PPP1R37: variants seen among roughly 807,000 people sequenced by gnomAD.
PPP1R37 encodes protein phosphatase 1 regulatory subunit 37, also known as leucine rich repeat containing 68.
A neutral mutation model predicts 61.0 loss-of-function variants in PPP1R37; 21 were observed. The ratio of observed to expected loss-of-function variants is 0.34; its 90% confidence interval spans 0.24 to 0.50. The LOEUF is 0.50. Among genes scored for constraint, PPP1R37 ranks in the 20% least tolerant of loss-of-function variants. The probability of loss-of-function intolerance (pLI) is 0.98; values close to 1 mark genes in which losing one functional copy is unlikely to be tolerated. For missense variants in PPP1R37, 910 were observed against 952.7 expected, an observed-to-expected ratio of 0.96 and a Z score of 0.59; for synonymous variants, 443 against 433.5, an observed-to-expected ratio of 1.02 and a Z score of -0.27.
chr19:45,145,041 G>A (rs1393010858), intron 9 of PPP1R37, 46 bp downstream of exon 9: 2 of 1,520,976 alleles, frequency 1.3e-6, no homozygotes, highest in South Asian at 1.2e-5. Flanking sequence ...GGGCTCAGCC[G>A]GGCGGCCAGC....
intron 1 of PPP1R37, chr19:45,128,956 G>C: frequency 1.3e-6 from 1 of 768,882 alleles, no homozygotes; most frequent in South Asian, 1.3e-5. Context: ...TACCGCTGTG[G>C]AGAAGGGACC....
At chr19:45,118,200 C>A (rs1968294789) in intron 1 of PPP1R37, among the ~76,000 whole-genome samples, 1 of 152,222 alleles carries the variant, frequency 6.6e-6, no homozygotes, top group Non-Finnish European at 1.5e-5. Context: ...CCTCCCGGCA[C>A]CCAGCCGCTG....
intron 1 of PPP1R37, among the ~76,000 whole-genome samples, chr19:45,126,773 C>T (rs1003521590): frequency 5.9e-5 from 9 of 152,220 alleles, no homozygotes; most frequent in African/African-American, 2.2e-4. Flanking sequence ...TTCCCAGCTT[C>T]TCTCTCCACC....
intron 1 of PPP1R37, among the ~76,000 whole-genome samples, chr19:45,105,952 A>G (rs564659504): frequency 1.3e-5 from 2 of 152,358 alleles, no homozygotes; most frequent in East Asian, 3.9e-4. Context: ...AGCCTGGCTT[A>G]GAGTGCCCAA....
At chr19:45,139,689 C>T (rs781174959) in intron 2 of PPP1R37, among the ~76,000 whole-genome samples, 12 of 152,240 alleles carry the variant, frequency 7.9e-5, no homozygotes, top group African/African-American at 1.2e-4. Flanking sequence ...CTCAGTGTGG[C>T]AGCTGAGAGG....
At position 45,140,504 on chromosome 19, in the gene PPP1R37, A is replaced by G; in HGVS notation, c.347-2A>G. 6.5e-7 allele frequency: 1 copy of G among 1,532,318 alleles called. No homozygotes were observed. Among genetic ancestry groups the G allele is most frequent in the Non-Finnish European group, 8.7e-7 (1 of 1,143,496 alleles). The allele number at this position is 1,532,318 out of a possible 1,614,324, so 94.9% of individuals were successfully genotyped here. On this transcript the variant is annotated splice_acceptor_variant, in intron 3 of 12. Coordinates refer to ENST00000221462, the MANE Select transcript of PPP1R37 (RefSeq NM_019121.2). LOFTEE classifies it high-confidence loss of function. ...ATGCGCACGGCTGCTGTCTCCCCCCAGGTGAGAAGCTTGACTACAAGACCT... is the reference window on the plus strand; with the variant it reads ...ATGCGCACGGCTGCTGTCTCCCCCCGGGTGAGAAGCTTGACTACAAGACCT...
chr19:45,104,486 T>C (rs1968104654), intron 1 of PPP1R37, among the ~76,000 whole-genome samples: 1 of 152,200 alleles, frequency 6.6e-6, no homozygotes, highest in Non-Finnish European at 1.5e-5. Flanking sequence ...TGAGTCCTTT[T>C]TTCCTGCATT....
At chr19:45,096,038 C>T (rs952048307) in intron 1 of PPP1R37, among the ~76,000 whole-genome samples, 14 of 152,164 alleles carry the variant, frequency 9.2e-5, no homozygotes, top group African/African-American at 3.4e-4. Context: ...TGGCAATACT[C>T]TTGCCACGGA....
rs1420986141 is a variant in PPP1R37 at position 45,146,865 on chromosome 19, G to C, written c.*303G>C. 5.1e-6 allele frequency: 1 copy of C among 195,182 alleles called. No homozygotes were observed. The highest frequency in any genetic ancestry group is 2.4e-5 in the African/African-American group (1 of 42,138). 12.1% of individuals were successfully genotyped at this position (195,182 alleles called of 1,614,324 possible). A position where few individuals can be genotyped will look rare whatever the true frequency, so the allele number is the denominator to read the frequency against. ...GGACATCAGGCGCCTGTTCTGGAGG[G>C]GCCAGGCTTGCCCTGCGGAGGGCAG... is the stretch of plus-strand genomic sequence containing the variant. On this transcript the variant is annotated 3_prime_UTR_variant, in exon 13 of 13. Coordinates refer to ENST00000221462, the MANE Select transcript of PPP1R37 (RefSeq NM_019121.2).
intron 7 of PPP1R37, chr19:45,143,065 TACTGAGC>T (rs1244021267): frequency 5.9e-6 from 1 of 169,186 alleles, no homozygotes; most frequent in Non-Finnish European, 1.3e-5. Flanking sequence ...GACCCCACTC[TACTGAGC>T]ACCTGCCAAG....
chr19:45,144,942 GCAACCGCAGCGT>G lies in PPP1R37; in HGVS notation c.1077_1088del (p.Ser359_Val363delinsArg). On this transcript the variant is annotated inframe_deletion, in exon 9 of 13. Transcript: ENST00000221462. Reference sequence around the variant, plus strand: ...CGGCACCTCAAGAACGGGCTCATCAGCAACCGCAGCGTGCTGCGCCTCGGGCTGGCCTCCACC... The same window carrying G: ...CGGCACCTCAAGAACGGGCTCATCAGGCTGCGCCTCGGGCTGGCCTCCACC... The G allele has an allele frequency of 6.5e-7, 1 of 1,535,722 alleles. No homozygotes were observed. Among genetic ancestry groups the G allele is most frequent in the South Asian group, 1.2e-5 (1 of 84,008 alleles).
In PPP1R37 at chr19:45,121,215, C is replaced by T. The variant is rs73562253; in HGVS notation, c.203-17299C>T. ...GGGGATTGTAGGAGTGGTGGGAGAGCGTGGGGATGATTACTGTTGGGAAAT... is the reference window on the plus strand; with the variant it reads ...GGGGATTGTAGGAGTGGTGGGAGAGTGTGGGGATGATTACTGTTGGGAAAT... On this transcript the variant is annotated intron_variant, in intron 1 of 12. Coordinates refer to ENST00000221462, the MANE Select transcript of PPP1R37 (RefSeq NM_019121.2). This position sits in a 1 kb window ranked among gnomAD's most constrained non-coding sequence, Gnocchi z 4.2. Among the ~76,000 whole-genome samples, 3,382 of 152,170 alleles carry T rather than the reference C, an allele frequency of 0.022. 126 individuals carry two copies. The highest frequency in any genetic ancestry group is 0.076 in the African/African-American group (3,136 of 41,486).
In PPP1R37 at chr19:45,093,654, T is replaced by G. The variant is rs1419174422; in HGVS notation, c.202+127T>G. On this transcript the variant is annotated intron_variant, in intron 1 of 12. Transcript: ENST00000221462. ...CTAATGGTGAATAAGGGGACAGTCG[T>G]CAGTTTAGAACCGTAGTCTGTTAGA... 1.1e-5 allele frequency: 7 copies of G among 659,504 alleles called. No individual in the cohort carries two copies. The East Asian group carries it at 2.2e-4, about 21-fold the overall frequency. The allele number at this position is 659,504 out of a possible 1,614,324, so 40.9% of individuals were successfully genotyped here. A position where few individuals can be genotyped will look rare whatever the true frequency, so the allele number is the denominator to read the frequency against.
intron 8 of PPP1R37, 102 bp from the exon 9 acceptor site, chr19:45,144,752 C>A: frequency 2.0e-6 from 2 of 1,005,888 alleles, no homozygotes; most frequent in Non-Finnish European, 1.4e-6. Flanking sequence ...AGAAAAGGAG[C>A]GCCCGGGCCT....
Position 45,093,420 on chromosome 19 carries a change from C to T in PPP1R37, c.95C>T (p.Ser32Leu). 1.3e-6 allele frequency: 2 copies of T among 1,534,604 alleles called. No individual in the cohort carries two copies. The highest frequency in any genetic ancestry group is 1.2e-5 in the South Asian group (1 of 83,944). The change falls in exon 1 of 13, where the codon TCG (serine) becomes TTG (leucine). Residue 32 changes from serine to leucine, a missense_variant. This residue lies in a region of PPP1R37 where 81 missense variants were observed against 65.4 expected (regional missense o/e 1.24). Transcript: ENST00000221462. Reference sequence around the variant, plus strand: ...GAGGCCGGGTCTCCCAGCCCCGCGTCGCCCCCCGCCGATGGGCGCCTCAAG... The same window carrying T: ...GAGGCCGGGTCTCCCAGCCCCGCGTTGCCCCCCGCCGATGGGCGCCTCAAG... ...PAEAGSPSPA[S>L]PPADGRLKAA...
At position 45,093,199 on chromosome 19, in the gene PPP1R37, G is replaced by C; in HGVS notation, c.-127G>C. The C allele has an allele frequency of 1.6e-5, 12 of 766,816 alleles. No homozygotes were observed. Among genetic ancestry groups the C allele is most frequent in the South Asian group, 3.1e-5 (1 of 31,772 alleles). The allele number at this position is 766,816 out of a possible 1,614,324, so 47.5% of individuals were successfully genotyped here. ...GCGGCGACGACTACGACCACTAGGA[G>C]AGCGGACGGAGGCGGCGCCTGAAGC... On this transcript the variant is annotated 5_prime_UTR_variant, in exon 1 of 13. Coordinates refer to ENST00000221462, the MANE Select transcript of PPP1R37 (RefSeq NM_019121.2).
At chr19:45,145,024 G>A (rs1968668534) in intron 9 of PPP1R37, 29 bp downstream of exon 9, 1 of 1,525,990 alleles carries the variant, frequency 6.6e-7, no homozygotes, top group Non-Finnish European at 8.8e-7. Context: ...CCAGGGTGCG[G>A]GCTGGTGGGC....
Position 45,145,268 on chromosome 19 carries a change from G to A in PPP1R37, c.1296+8G>A. ...GAACCCAAGAAAGAGGCGGTGAGCAGGGGACGGTCCTGCAGCCCTGGGGCG... is the reference window on the plus strand; with the variant it reads ...GAACCCAAGAAAGAGGCGGTGAGCAAGGGACGGTCCTGCAGCCCTGGGGCG... On this transcript the variant is annotated splice_region_variant and intron_variant, in intron 10 of 12. Coordinates refer to ENST00000221462, the MANE Select transcript of PPP1R37 (RefSeq NM_019121.2). The A allele has an allele frequency of 6.5e-7, 1 of 1,529,924 alleles. No individual in the cohort carries two copies. The highest frequency in any genetic ancestry group is 8.7e-7 in the Non-Finnish European group (1 of 1,143,574). 94.8% of individuals were successfully genotyped at this position (1,529,924 alleles called of 1,614,324 possible). A position where few individuals can be genotyped will look rare whatever the true frequency, so the allele number is the denominator to read the frequency against.
intron 4 of PPP1R37, among the ~76,000 whole-genome samples, 193 bp from the exon 5 acceptor site, chr19:45,141,129 C>T (rs370459101): frequency 1.4e-4 from 22 of 152,286 alleles, no homozygotes; most frequent in African/African-American, 5.3e-4. Context: ...GAAAACAAAA[C>T]TGACTACAGC....
Sources: allele counts gnomAD v4.1 joint callset (sites outside exome capture counted in the v4.1 genomes callset), GRCh38; gene constraint gnomAD v4.1.1; regional missense constraint gnomAD v4.1.1; non-coding constraint Gnocchi (gnomAD v3.1); transcripts MANE v1.5; gene names NCBI Gene and HGNC (gene_info 2026-07-23, HGNC 2026-07-21).